Variants in B3GLCT observed in about 807,000 individuals in gnomAD.
B3GLCT encodes beta 3-glucosyltransferase, also known as beta-1,3-glucosyltransferase.
In B3GLCT, 65 loss-of-function variants were observed where a neutral mutation model predicts 63.4. That is an observed-to-expected ratio of 1.03 (90% CI 0.84 to 1.26). B3GLCT has a LOEUF of 1.26. B3GLCT is among the 50% of genes most tolerant of loss of function. B3GLCT has a pLI of 0.00. For missense variants in B3GLCT, 577 were observed against 604.8 expected, an observed-to-expected ratio of 0.95 and a Z score of 0.48; for synonymous variants, 233 against 219.2, an observed-to-expected ratio of 1.06 and a Z score of -0.55.
intron 6 of B3GLCT, among the ~76,000 whole-genome samples, chr13:31,253,618 A>AACAAAC (rs1566064280): frequency 1.2e-5 from 1 of 82,314 alleles, no homozygotes. Context: ...AAAAAAAAAA[A>AACAAAC]AAACTAGAGA....
At chr13:31,205,595 C>T (rs1868910835) in intron 1 of B3GLCT, among the ~76,000 whole-genome samples, 1 of 152,088 alleles carries the variant, frequency 6.6e-6, no homozygotes, top group Admixed American at 6.5e-5. Flanking sequence ...GGCTATATTG[C>T]CCAGGCTGGA....
intron 3 of B3GLCT, among the ~76,000 whole-genome samples, chr13:31,228,856 C>G (rs913157850): frequency 1.7e-4 from 26 of 152,342 alleles, no homozygotes; most frequent in African/African-American, 5.8e-4. Context: ...GTTAGATTTT[C>G]AGCTACTGGG....
At chr13:31,319,918 T>C (rs74610656) in intron 13 of B3GLCT, among the ~76,000 whole-genome samples, 2,384 of 152,302 alleles carry the variant, frequency 0.016, 62 homozygotes, top group African/African-American at 0.054. Context: ...GCTCTCACCC[T>C]TTCTTTCCTT....
At chr13:31,274,260 C>T (rs1051191890) in intron 8 of B3GLCT, among the ~76,000 whole-genome samples, 4 of 152,168 alleles carry the variant, frequency 2.6e-5, no homozygotes, top group East Asian at 1.9e-4. Context: ...CCGCATACTT[C>T]GGAATTTTTT....
intron 7 of B3GLCT, among the ~76,000 whole-genome samples, chr13:31,268,907 A>C (rs886725948): frequency 6.6e-6 from 1 of 152,154 alleles, no homozygotes; most frequent in African/African-American, 2.4e-5. Context: ...GTCATTATTT[A>C]GTGTAAAGAT....
At chr13:31,285,628 AAAGT>A (rs1303521795) in intron 11 of B3GLCT, among the ~76,000 whole-genome samples, 9 of 148,902 alleles carry the variant, frequency 6.0e-5, no homozygotes, top group African/African-American at 7.4e-5. Flanking sequence ...AAAAAAAAAA[AAAGT>A]AGCAAACTGA....
chr13:31,265,528 G>T (rs1332878586), intron 7 of B3GLCT, among the ~76,000 whole-genome samples: 1 of 152,188 alleles, frequency 6.6e-6, no homozygotes, highest in African/African-American at 2.4e-5. Flanking sequence ...GATAGCTCAT[G>T]AGACACACTT....
At chr13:31,297,557 C>T (rs893990003) in intron 12 of B3GLCT, among the ~76,000 whole-genome samples, 14 of 152,088 alleles carry the variant, frequency 9.2e-5, no homozygotes, top group African/African-American at 3.1e-4. Context: ...GGAGAGTTCT[C>T]CTACCCACCA....
chr13:31,297,620 T>G (rs1334773023), intron 12 of B3GLCT, among the ~76,000 whole-genome samples: 2 of 152,044 alleles, frequency 1.3e-5, no homozygotes, highest in Non-Finnish European at 1.5e-5. Flanking sequence ...TTAATTCAAT[T>G]TTAACACTGT....
intron 3 of B3GLCT, 67 bp downstream of exon 3, chr13:31,223,058 T>G (rs1004703145): frequency 8.4e-6 from 9 of 1,065,550 alleles, no homozygotes; most frequent in Non-Finnish European, 1.3e-5. Context: ...TATATTTCCA[T>G]GAAGTGATTT....
intron 13 of B3GLCT, among the ~76,000 whole-genome samples, chr13:31,322,592 C>T (rs966993057): frequency 3.3e-5 from 5 of 152,112 alleles, no homozygotes; most frequent in African/African-American, 1.2e-4. Flanking sequence ...GTGTTATTAA[C>T]GGCTCATATT....
At chr13:31,281,253 A>C (rs1873054905) in intron 10 of B3GLCT, among the ~76,000 whole-genome samples, 1 of 152,124 alleles carries the variant, frequency 6.6e-6, no homozygotes, top group African/African-American at 2.4e-5. Flanking sequence ...GCTCTTAAAA[A>C]TTAGCACTAT....
At chr13:31,326,345 A>G (rs1015227274) in intron 14 of B3GLCT, among the ~76,000 whole-genome samples, 3 of 125,400 alleles carry the variant, frequency 2.4e-5, no homozygotes, top group Non-Finnish European at 4.7e-5. Context: ...ATGCAGTGGC[A>G]TGATCTCGGC....
intron 3 of B3GLCT, among the ~76,000 whole-genome samples, chr13:31,228,407 G>C (rs1870209577): frequency 6.6e-6 from 1 of 152,212 alleles, no homozygotes; most frequent in Non-Finnish European, 1.5e-5. Flanking sequence ...ACATAACAAA[G>C]TACCACAAAA....
intron 4 of B3GLCT, among the ~76,000 whole-genome samples, chr13:31,244,003 T>A (rs1329731022): frequency 6.6e-6 from 1 of 152,250 alleles, no homozygotes; most frequent in Non-Finnish European, 1.5e-5. Flanking sequence ...GAATTTTGAA[T>A]TACCTTTTAG....
intron 12 of B3GLCT, among the ~76,000 whole-genome samples, chr13:31,310,113 T>A (rs1034967217): frequency 6.6e-6 from 1 of 152,104 alleles, no homozygotes; most frequent in African/African-American, 2.4e-5. Context: ...CCTCGATGCC[T>A]TTTAGCTAAT....
chr13:31,206,768 G>A (rs535535993), intron 1 of B3GLCT, among the ~76,000 whole-genome samples: 2 of 152,132 alleles, frequency 1.3e-5, no homozygotes, highest in Non-Finnish European at 2.9e-5. Context: ...GATGATCGGT[G>A]GTTGTTTTGC....
At chr13:31,285,810 C>T (rs545345476) in intron 11 of B3GLCT, among the ~76,000 whole-genome samples, 126 of 152,106 alleles carry the variant, frequency 8.3e-4, no homozygotes, top group African/African-American at 2.9e-3. Flanking sequence ...TTTGGAAAAA[C>T]GATTTTAGAT....
rs555471243 is a variant in B3GLCT, at chr13:31,219,885, G to C, written c.121-3067G>C. On this transcript the variant is annotated intron_variant, in intron 2 of 14. Transcript: ENST00000343307. ...GAGGTAGTTGACTTCATATGAAGTA[G>C]TTGATGATAATGATGAAAAAAGGGT... Among the ~76,000 whole-genome samples, 96 of 152,344 alleles carry C rather than the reference G, an allele frequency of 6.3e-4. 1 individual carries two copies. Among genetic ancestry groups the C allele is most frequent in the African/African-American group, 2.1e-3 (89 of 41,578 alleles).
Sources: gnomAD v4.1 joint callset for allele counts (sites outside exome capture counted in the v4.1 genomes callset) on GRCh38, gnomAD v4.1.1 for gene constraint, MANE v1.5 for transcripts, NCBI Gene and HGNC (gene_info 2026-07-23, HGNC 2026-07-21) for gene names.